IFT172: variants seen among roughly 807,000 people sequenced by gnomAD.
IFT172 encodes the protein intraflagellar transport 172.
In IFT172, 164 loss-of-function variants were observed where a neutral mutation model predicts 248.9. The ratio of observed to expected loss-of-function variants is 0.66; its 90% CI spans 0.58 to 0.75. The LOEUF (loss-of-function observed/expected upper bound fraction) is 0.75, where lower values mean the gene tolerates loss of function less well. Among genes scored for constraint, IFT172 ranks in the 30% least tolerant of loss-of-function variants. IFT172 has a pLI of 0.00. For missense variants in IFT172, 1,950 were observed against 2,192.4 expected, an observed-to-expected ratio of 0.89 and a Z score of 2.21; for synonymous variants, 729 against 791.6, an observed-to-expected ratio of 0.92 and a Z score of 1.33.
chr2:27,458,756 T>C (rs1454379958), intron 26 of IFT172, 23 bp downstream of exon 26: 1 of 1,611,350 alleles, frequency 6.2e-7, no homozygotes, highest in Non-Finnish European at 8.5e-7. Context: ...AGTTCTCTTA[T>C]CATGAACTCC....
chr2:27,470,733 G>T, intron 16 of IFT172, 195 bp downstream of exon 16: 1 of 481,662 alleles, frequency 2.1e-6, no homozygotes, highest in Non-Finnish European at 3.5e-6. Flanking sequence ...CATACTCCAA[G>T]GGTCTAATAT....
intron 30 of IFT172, chr2:27,455,678 T>A (rs1666097186): frequency 3.7e-6 from 1 of 267,304 alleles, no homozygotes; most frequent in Admixed American, 5.3e-5. Context: ...ACCACTGCAC[T>A]CCAGCCTGGG....
chr2:27,479,154 G>A (rs747031252), intron 10 of IFT172, among the ~76,000 whole-genome samples: 1 of 152,030 alleles, frequency 6.6e-6, no homozygotes, highest in Non-Finnish European at 1.5e-5. Flanking sequence ...ACAGGCACCC[G>A]CCACAACGCC....
At chr2:27,481,552 T>C (rs1668376372) in intron 7 of IFT172, among the ~76,000 whole-genome samples, 1 of 151,598 alleles carries the variant, frequency 6.6e-6, no homozygotes, top group African/African-American at 2.4e-5. Flanking sequence ...TTTCTTTTTT[T>C]TTTTTTTGAG....
chr2:27,476,513 C>T (rs1190327220), intron 14 of IFT172, 128 bp downstream of exon 14: 2 of 637,326 alleles, frequency 3.1e-6, no homozygotes, highest in Non-Finnish European at 5.7e-6. Context: ...ATCCACTGTA[C>T]ATGTGGAGTT....
At position 27,483,669 on chromosome 2, in the gene IFT172, G is replaced by GA; in HGVS notation, c.403-11dup. On this transcript the variant is annotated splice_polypyrimidine_tract_variant and intron_variant, in intron 5 of 47. Coordinates refer to ENST00000260570, the MANE Select transcript of IFT172 (RefSeq NM_015662.3). ...TGTTTGCTAAACGAACCTGAAAATG[G>GA]AAAAATTGATACAAGTATGGTTAGG... is the stretch of plus-strand genomic sequence containing the variant. 1 of 1,613,350 alleles carries GA rather than the reference G, an allele frequency of 6.2e-7. No individual in the cohort carries two copies. The highest frequency in any genetic ancestry group is 1.1e-5 in the South Asian group (1 of 90,996).
intron 42 of IFT172, among the ~76,000 whole-genome samples, chr2:27,446,994 C>T (rs796667344): frequency 8.5e-5 from 13 of 152,134 alleles, no homozygotes; most frequent in African/African-American, 2.9e-4. Flanking sequence ...CCACCGCGCC[C>T]GGCCAACCTG....
chr2:27,453,113 T>C, intron 35 of IFT172: 1 of 551,518 alleles, frequency 1.8e-6, no homozygotes, highest in South Asian at 1.6e-5. Context: ...CTTTAAATCA[T>C]GCACTTTAGT....
In IFT172 at chr2:27,479,556, T is replaced by C. The variant is rs750376689; in HGVS notation, c.958A>G (p.Ser320Gly). ...VEQFDCCLRR[S>G]IYKNKFELTY... The stretch of plus-strand genomic sequence containing the variant: ...AACTCAAACTTGTTCTTGTAAATAC[T>C]CCTTCGGAGGCAGCAGTCAAACTGT... The change falls in exon 10 of 48, where the codon AGT becomes GGT. Residue 320 changes from serine to glycine, a missense_variant. Transcript: ENST00000260570. The C allele has an allele frequency of 1.2e-6, 2 of 1,613,632 alleles. No individual in the cohort carries two copies. Among genetic ancestry groups the C allele is most frequent in the South Asian group, 2.2e-5 (2 of 91,078 alleles).
intron 18 of IFT172, chr2:27,465,186 C>T (rs1666995697): frequency 3.7e-6 from 2 of 535,034 alleles, no homozygotes; most frequent in African/African-American, 1.9e-5. Flanking sequence ...TCCCAAAGTG[C>T]TGGGATTACA....
Position 27,454,631 on chromosome 2 carries a change from C to G in IFT172, c.3401G>C (p.Arg1134Pro). Reference sequence around the variant, plus strand: ...GGGGGTTTTGTGCTTGAGGGCCAGCCGAGAGAGTTCAAACGCAAATTCAAA... The same window carrying G: ...GGGGGTTTTGTGCTTGAGGGCCAGCGGAGAGAGTTCAAACGCAAATTCAAA... ...CSFEFAFELSRLALKHKTPEV... is the reference protein window; with the variant it reads ...CSFEFAFELSPLALKHKTPEV... Residue 1134 changes from arginine (R) to proline (P), a missense_variant, in exon 31 of 48, where the codon CGG (arginine) becomes CCG (proline). Around this residue, in one of 3 missense-constraint regions of IFT172, gnomAD observed 164 missense variants for 239.3 expected, o/e 0.69. Coordinates refer to ENST00000260570, the MANE Select transcript of IFT172 (RefSeq NM_015662.3). The surrounding 1 kb of genome is among the most constrained non-coding windows in gnomAD (Gnocchi z 4.2). 3 of 1,613,932 alleles carry G rather than the reference C, an allele frequency of 1.9e-6. No homozygotes were observed. Among genetic ancestry groups the G allele is most frequent in the Non-Finnish European group, 2.5e-6 (3 of 1,179,998 alleles).
intron 25 of IFT172, chr2:27,459,071 G>C (rs1185049654): frequency 1.6e-6 from 1 of 638,300 alleles, no homozygotes; most frequent in Non-Finnish European, 2.6e-6. Context: ...GAATCCAAAA[G>C]GGCCTCACAT....
chr2:27,461,807 G>T lies in IFT172; in HGVS notation c.2145C>A (p.Tyr715Ter). ...QNAVEEAMGM[Y>*]QELHRWDECI... The stretch of plus-strand genomic sequence containing the variant: ...ACTCATCCCAACGGTGTAGCTCCTG[G>T]TACATGCCCATGGCCTCCTCCACAG... The change falls in exon 21 of 48, where the codon TAC becomes TAA. Residue 715 changes from tyrosine to a stop codon, truncating the protein, a stop_gained. Transcript: ENST00000260570. LOFTEE classifies it high-confidence loss of function. 6.2e-7 allele frequency: 1 copy of T among 1,614,170 alleles called. No individual in the cohort carries two copies. The highest frequency in any genetic ancestry group is 8.5e-7 in the Non-Finnish European group (1 of 1,180,048).
At chr2:27,456,073 G>T (rs1057112647) in intron 30 of IFT172, among the ~76,000 whole-genome samples, 5 of 151,990 alleles carry the variant, frequency 3.3e-5, no homozygotes, top group African/African-American at 1.2e-4. Context: ...TTAGATGGGC[G>T]TGGTGGTGCA....
rs1221821042 is a variant in IFT172 at position 27,480,101 on chromosome 2, T to C, written c.834A>G (p.Ala278=). Residue 278 remains alanine, a synonymous_variant, in exon 9 of 48, where the codon GCA becomes GCG. Transcript: ENST00000260570. ...ATAAATTGGTAATCTCCTTGGGCTT[T>C]GCCTCTTCCCAGATGCTTCTTCGAG... The part of the protein sequence containing the change: ...WIPRRSIWEE[A]KPKEITNLYT... 2 of 1,614,086 alleles carry C rather than the reference T, an allele frequency of 1.2e-6. No homozygotes were observed. The highest frequency in any genetic ancestry group is 2.2e-5 in the East Asian group (1 of 44,886).
Position 27,483,656 on chromosome 2 carries a change from G to A in IFT172, c.406C>T (p.Arg136Cys), listed in dbSNP as rs753783467. The change falls in exon 6 of 48, where the codon CGT (arginine) becomes TGT (cysteine). Residue 136 changes from arginine to cysteine, a missense_variant. Physicochemically the swap from Arg to Cys is radical, Grantham distance 180. Coordinates refer to ENST00000260570, the MANE Select transcript of IFT172 (RefSeq NM_015662.3). ...TTATTAGTTTTGGTGTTTGCTAAAC[G>A]AACCTGAAAATGGAAAAATTGATAC... is the stretch of plus-strand genomic sequence containing the variant. ...IVFGLAEGKV[R>C]LANTKTNKSS... 8.7e-6 allele frequency: 14 copies of A among 1,613,882 alleles called. No homozygotes were observed. In the East Asian group the frequency reaches 2.0e-4, roughly 23 times the overall value.
At chr2:27,477,371 A>T (rs1668031790) in intron 12 of IFT172, 51 bp from the exon 13 acceptor site, 1 of 1,497,494 alleles carries the variant, frequency 6.7e-7, no homozygotes, top group South Asian at 1.1e-5. Context: ...GAAGAAAAAC[A>T]GTAGTGGGAG....
chr2:27,465,941 T>C lies in IFT172; in HGVS notation c.1693-59A>G, dbSNP rs1337823766. On this transcript the variant is annotated intron_variant, in intron 16 of 47. Coordinates refer to ENST00000260570, the MANE Select transcript of IFT172 (RefSeq NM_015662.3). ...TCAGGTTAGTTTCCACTGAATCAATTATAGAAAAGACCCACCCTCATCCGA... is the reference window on the plus strand; with the variant it reads ...TCAGGTTAGTTTCCACTGAATCAATCATAGAAAAGACCCACCCTCATCCGA... The C allele has an allele frequency of 3.7e-6, 6 of 1,600,142 alleles. No individual in the cohort carries two copies. In the African/African-American group the frequency reaches 6.7e-5, roughly 18 times the overall value.
In IFT172 at chr2:27,449,677, G is replaced by T. The variant is rs760071975; in HGVS notation, c.4160+14C>A. On this transcript the variant is annotated intron_variant, in intron 37 of 47. Coordinates refer to ENST00000260570, the MANE Select transcript of IFT172 (RefSeq NM_015662.3). The stretch of plus-strand genomic sequence containing the variant: ...AAAAGAGAATTTCGCAGTAAGAAGG[G>T]GTTACAAGCTTACCTGGGATCTAAC... 23 of 1,608,420 alleles carry T rather than the reference G, an allele frequency of 1.4e-5. No homozygotes were observed. In the South Asian group the frequency reaches 2.4e-4, roughly 17 times the overall value.
Sources: allele counts gnomAD v4.1 joint callset (sites outside exome capture counted in the v4.1 genomes callset), GRCh38; gene constraint gnomAD v4.1.1; regional missense constraint gnomAD v4.1.1; non-coding constraint Gnocchi (gnomAD v3.1); transcripts MANE v1.5; gene names NCBI Gene and HGNC (gene_info 2026-07-23, HGNC 2026-07-21).